Variants in AKAP8 observed in about 807,000 individuals in gnomAD.
The protein encoded by AKAP8 is A-kinase anchoring protein 8.
AKAP8 carries 24 observed loss-of-function variants against 67.5 expected under a neutral mutation model. The observed-to-expected ratio is 0.36, with a 90% CI of 0.26 to 0.50. The LOEUF (loss-of-function observed/expected upper bound fraction) is 0.50. Among genes scored for constraint, AKAP8 ranks in the 20% least tolerant of loss-of-function variants. The pLI is 0.97. For missense variants in AKAP8, 971 were observed against 955.9 expected, an observed-to-expected ratio of 1.02 and a Z score of -0.21; for synonymous variants, 400 against 371.1, an observed-to-expected ratio of 1.08 and a Z score of -0.90.
intron 1 of AKAP8, chr19:15,378,940 T>G (rs540633007): frequency 1.3e-5 from 2 of 153,024 alleles, no homozygotes; most frequent in South Asian, 2.0e-4. Context: ...CACAACAGAC[T>G]GCCTAAAGGA....
At chr19:15,377,730 A>C (rs1309257644) in intron 1 of AKAP8, among the ~76,000 whole-genome samples, 4 of 151,936 alleles carry the variant, frequency 2.6e-5, no homozygotes, top group African/African-American at 9.7e-5. Flanking sequence ...GGCCTCCCAA[A>C]GTGCTGGGAT....
intron 2 of AKAP8, among the ~76,000 whole-genome samples, chr19:15,374,997 G>A (rs1393949013): frequency 6.6e-6 from 1 of 152,196 alleles, no homozygotes; most frequent in Admixed American, 6.5e-5. Context: ...CAGAGTGCAG[G>A]CGCTGCCAAC....
chr19:15,369,454 C>A lies in AKAP8; in HGVS notation c.1072+692G>T, dbSNP rs563006779. Reference sequence around the variant, plus strand: ...GGGTAACCAGCTACGGAAAGACCCACAGGACAGGTAAAGAAACGAGTGGCT... The same window carrying A: ...GGGTAACCAGCTACGGAAAGACCCAAAGGACAGGTAAAGAAACGAGTGGCT... On this transcript the variant is annotated intron_variant, in intron 8 of 13. Transcript: ENST00000269701. The surrounding 1 kb of genome is among the most constrained non-coding windows in gnomAD (Gnocchi z 4.6). 3.2e-4 allele frequency among the ~76,000 whole-genome samples: 48 copies of A among 152,242 alleles called. No individual in the cohort carries two copies. The highest frequency in any genetic ancestry group is 1.0e-3 in the African/African-American group (42 of 41,460).
Position 15,369,168 on chromosome 19 carries a change from T to C in AKAP8, c.1073-846A>G. 1.0e-6 allele frequency: 1 copy of C among 985,512 alleles called. No homozygotes were observed. The highest frequency in any genetic ancestry group is 1.7e-5 in the African/African-American group (1 of 57,370). The allele number at this position is 985,512 out of a possible 1,614,324, so 61.0% of individuals were successfully genotyped here. A position where few individuals can be genotyped will look rare whatever the true frequency, so the allele number is the denominator to read the frequency against. On this transcript the variant is annotated intron_variant, in intron 8 of 13. Transcript: ENST00000269701. This position sits in a 1 kb window ranked among gnomAD's most constrained non-coding sequence, Gnocchi z 4.6. ...TGTGGGATTTTTGGCAAGAGGTCAC[T>C]GCCTGAAACTATGACTGCTGTTTAA... is the stretch of plus-strand genomic sequence containing the variant.
rs2145055341 is a variant in AKAP8 at position 15,354,765 on chromosome 19, C to G, written c.*150G>C. ...ACTGCATGAGACAAGCCGTGAGAGG[C>G]ACTGCTCAGGAGGAAACGCTGGGTC... On this transcript the variant is annotated 3_prime_UTR_variant, in exon 14 of 14. Transcript: ENST00000269701. 1.2e-6 allele frequency: 1 copy of G among 841,020 alleles called. No homozygotes were observed. Among genetic ancestry groups the G allele is most frequent in the Admixed American group, 2.7e-5 (1 of 37,020 alleles). 52.1% of individuals were successfully genotyped at this position (841,020 alleles called of 1,614,324 possible).
intron 2 of AKAP8, 39 bp from the exon 3 acceptor site, chr19:15,374,674 G>C (rs781564680): frequency 1.2e-6 from 2 of 1,611,772 alleles, no homozygotes; most frequent in Admixed American, 1.7e-5. Flanking sequence ...CCTGTTTGCA[G>C]AACGAAGGCA....
At chr19:15,357,746 C>G (rs1966903891) in intron 13 of AKAP8, among the ~76,000 whole-genome samples, 1 of 140,066 alleles carries the variant, frequency 7.1e-6, no homozygotes, top group Non-Finnish European at 1.5e-5. Context: ...CAAGGTCTCA[C>G]TCTGCCATCC....
intron 9 of AKAP8, among the ~76,000 whole-genome samples, chr19:15,366,678 T>C (rs577705154): frequency 2.0e-3 from 302 of 152,242 alleles, no homozygotes; most frequent in Non-Finnish European, 3.2e-3. Context: ...GGTGTGATCT[T>C]GGCTCACTGC....
Position 15,379,634 on chromosome 19 carries a change from C to T in AKAP8, c.19+79G>A, listed in dbSNP as rs929523358. 4 of 1,515,596 alleles carry T rather than the reference C, an allele frequency of 2.6e-6. No individual in the cohort carries two copies. The Admixed American group carries it at 7.8e-5, about 30-fold the overall frequency. The allele number at this position is 1,515,596 out of a possible 1,614,324, so 93.9% of individuals were successfully genotyped here. A position where few individuals can be genotyped will look rare whatever the true frequency, so the allele number is the denominator to read the frequency against. On this transcript the variant is annotated intron_variant, in intron 1 of 13. Transcript: ENST00000269701. ...ACCACGCTCGGGACGAAGGCCCGGC[C>T]GGCGGCAGTCTGCGCAGCGGCTGCG...
intron 1 of AKAP8, among the ~76,000 whole-genome samples, chr19:15,378,146 AG>A (rs1305780721): frequency 2.6e-5 from 4 of 152,232 alleles, no homozygotes; most frequent in Non-Finnish European, 5.9e-5. Flanking sequence ...CAAGGGAGCT[AG>A]GCTCATGGGT....
rs1242103276 is a variant in AKAP8, at chr19:15,368,335, A to G, written c.1073-13T>C. The G allele has an allele frequency of 6.2e-7, 1 of 1,613,230 alleles. No individual in the cohort carries two copies. The highest frequency in any genetic ancestry group is 8.5e-7 in the Non-Finnish European group (1 of 1,179,934). On this transcript the variant is annotated splice_polypyrimidine_tract_variant and intron_variant, in intron 8 of 13. Transcript: ENST00000269701. ...TCCTCCTTCTCTCCTGTAACAGACA[A>G]GTCCCTTCGAGACGCTCTGAGTGGC...
chr19:15,372,490 TAAAAAGA>T, intron 5 of AKAP8, 143 bp from the exon 6 acceptor site: 1 of 1,254,838 alleles, frequency 8.0e-7, no homozygotes, highest in Non-Finnish European at 1.1e-6. Context: ...AATTTGAAAC[TAAAAAGA>T]AAATCATGCT....
chr19:15,372,260 T>A lies in AKAP8; in HGVS notation c.949A>T (p.Lys317Ter). 2 of 1,614,210 alleles carry A rather than the reference T, an allele frequency of 1.2e-6. No homozygotes were observed. Among genetic ancestry groups the A allele is most frequent in the Non-Finnish European group, 1.7e-6 (2 of 1,180,042 alleles). Residue 317 changes from lysine (K) to a stop codon, truncating the protein, a stop_gained, in exon 6 of 14, where the codon AAA becomes TAA. Coordinates refer to ENST00000269701, the MANE Select transcript of AKAP8 (RefSeq NM_005858.4). LOFTEE classifies it high-confidence loss of function. ...CCTTCACTGTCAACCCGGGCCAGTT[T>A]GGTGTCTGGCTCCTCGTAAAGTTGG... ...QFQLYEEPDT[K>*]LARVDSEGDF... is the part of the protein sequence containing the mutation.
At chr19:15,368,450 A>C (rs1390855921) in intron 8 of AKAP8, 128 bp from the exon 9 acceptor site, 1 of 1,564,860 alleles carries the variant, frequency 6.4e-7, no homozygotes, top group African/African-American at 1.3e-5. Flanking sequence ...ACCACGCGGC[A>C]GGGTCCAGGA....
chr19:15,368,189 C>T lies in AKAP8; in HGVS notation c.1160+46G>A, dbSNP rs372280993. On this transcript the variant is annotated intron_variant, in intron 9 of 13. Transcript: ENST00000269701. ...CAGGTGAGCTCGGCAGCGCCTCCACCGCACGAGTCCACCTCCTCCTGTGGG... is the reference window on the plus strand; with the variant it reads ...CAGGTGAGCTCGGCAGCGCCTCCACTGCACGAGTCCACCTCCTCCTGTGGG... The T allele has an allele frequency of 1.9e-5, 30 of 1,604,512 alleles. No individual in the cohort carries two copies. The African/African-American group carries it at 2.3e-4, about 12-fold the overall frequency.
At position 15,373,915 on chromosome 19, in the gene AKAP8, C is replaced by G; in HGVS notation, c.242G>C (p.Gly81Ala). 2 of 1,613,834 alleles carry G rather than the reference C, an allele frequency of 1.2e-6. No individual in the cohort carries two copies. The highest frequency in any genetic ancestry group is 1.7e-6 in the Non-Finnish European group (2 of 1,179,960). ...GGAATTGTCGGTGCATGGCTCTGGGCCGTAAGAGGCCATGTGCATGGCAGG... is the reference window on the plus strand; with the variant it reads ...GGAATTGTCGGTGCATGGCTCTGGGGCGTAAGAGGCCATGTGCATGGCAGG... ...GAPAMHMASYGPEPCTDNSDS... is the reference protein window; with the variant it reads ...GAPAMHMASYAPEPCTDNSDS... Residue 81 changes from glycine (G) to alanine (A), a missense_variant, in exon 4 of 14, where the codon GGC (glycine) becomes GCC (alanine). Physicochemically the swap from Gly to Ala is moderately conservative, Grantham distance 60. Coordinates refer to ENST00000269701, the MANE Select transcript of AKAP8 (RefSeq NM_005858.4).
chr19:15,371,093 G>C (rs890040397), intron 7 of AKAP8, among the ~76,000 whole-genome samples: 1 of 152,184 alleles, frequency 6.6e-6, no homozygotes, highest in Admixed American at 6.5e-5. Flanking sequence ...GGGATCAAGT[G>C]AGACTCTGAA....
At chr19:15,370,941 G>A (rs988135723) in intron 7 of AKAP8, among the ~76,000 whole-genome samples, 2 of 152,050 alleles carry the variant, frequency 1.3e-5, no homozygotes, top group Non-Finnish European at 2.9e-5. Flanking sequence ...ATATTTACCC[G>A]ATGTCTTAAT....
chr19:15,363,127 GC>G (rs1335876784), intron 9 of AKAP8, among the ~76,000 whole-genome samples: 1 of 143,868 alleles, frequency 7.0e-6, no homozygotes, highest in African/African-American at 2.6e-5. Flanking sequence ...CCCGGCAGCC[GC>G]CCCGTCTGAG....
Sources: gnomAD v4.1 joint callset for allele counts (sites outside exome capture counted in the v4.1 genomes callset) on GRCh38, gnomAD v4.1.1 for gene constraint, Gnocchi (gnomAD v3.1) non-coding constraint, MANE v1.5 for transcripts, NCBI Gene and HGNC (gene_info 2026-07-23, HGNC 2026-07-21) for gene names.